CMIP: variants seen among roughly 807,000 people sequenced by gnomAD.
CMIP encodes the protein C-Maf-inducing protein.
CMIP carries 13 observed loss-of-function variants against 97.3 expected under a neutral mutation model. The observed-to-expected ratio is 0.13, with a 90% CI of 0.09 to 0.21. CMIP has a LOEUF of 0.21. CMIP is among the 10% of genes least tolerant of loss of function. The pLI is 1.00. For missense variants in CMIP, 847 were observed against 1,024.9 expected (o/e 0.83, Z 2.37); for synonymous variants, 538 against 436.3 (o/e 1.23, Z -2.91).
intron 4 of CMIP, among the ~76,000 whole-genome samples, chr16:81,657,427 G>C (rs189309542): frequency 1.3e-5 from 2 of 152,200 alleles, no homozygotes; most frequent in Non-Finnish European, 2.9e-5. Flanking sequence ...GTTTCACTTT[G>C]ACGAGGGCCA....
At chr16:81,665,263 T>G (rs1190288315) in intron 7 of CMIP, 1 of 152,178 alleles carries the variant, frequency 6.6e-6, no homozygotes, top group Admixed American at 6.5e-5. Context: ...GCAAATGCCA[T>G]TATTTGCCCT....
chr16:81,469,901 T>G (rs987375071), intron 1 of CMIP, among the ~76,000 whole-genome samples: 2 of 152,174 alleles, frequency 1.3e-5, no homozygotes, highest in Admixed American at 6.5e-5. Context: ...GAGGAGGGCC[T>G]TCTTTGGGGT....
At chr16:81,500,851 T>TTTCC (rs1270180122) in intron 1 of CMIP, among the ~76,000 whole-genome samples, 1 of 152,162 alleles carries the variant, frequency 6.6e-6, no homozygotes, top group African/African-American at 2.4e-5. Context: ...TCCTTCTTTC[T>TTTCC]TTCCTTCCTT....
chr16:81,478,678 G>C (rs947833725), intron 1 of CMIP, among the ~76,000 whole-genome samples: 8 of 152,206 alleles, frequency 5.3e-5, no homozygotes, highest in Non-Finnish European at 1.2e-4. Context: ...CCGGTGGGAA[G>C]AAGTTGGCAC....
In CMIP at chr16:81,444,839, C is replaced by A. The variant is rs1175466255; in HGVS notation, c.-403C>A. On this transcript the variant is annotated 5_prime_UTR_variant, in exon 1 of 21. Coordinates refer to ENST00000537098, the MANE Select transcript of CMIP (RefSeq NM_198390.3). Reference sequence around the variant, plus strand: ...GCCCGGACGGCCGCGCGGACACACGCTCTGTACACACGCGCGCGGCGGCGC... The same window carrying A: ...GCCCGGACGGCCGCGCGGACACACGATCTGTACACACGCGCGCGGCGGCGC... Among the ~76,000 whole-genome samples, 1 of 144,848 alleles carries A rather than the reference C, an allele frequency of 6.9e-6. No individual in the cohort carries two copies. The highest frequency in any genetic ancestry group is 2.5e-5 in the African/African-American group (1 of 40,472).
chr16:81,600,339 C>T lies in CMIP; in HGVS notation c.301-7228C>T, dbSNP rs188077073. ...CTTCACTATAGTCAAAAGATAGAGA[C>T]AATCCATGTGTCCATCAGCAGATGA... On this transcript the variant is annotated intron_variant, in intron 1 of 20. Transcript: ENST00000537098. 1.4e-3 allele frequency among the ~76,000 whole-genome samples: 204 copies of T among 144,080 alleles called. 1 individual carries two copies. The highest frequency in any genetic ancestry group is 3.7e-3 in the South Asian group (16 of 4,324). The allele number at this position is 144,080 out of a possible 152,430, so 94.5% of individuals were successfully genotyped here.
chr16:81,679,850 C>T (rs1226339317), intron 10 of CMIP, among the ~76,000 whole-genome samples: 1 of 152,166 alleles, frequency 6.6e-6, no homozygotes, highest in Non-Finnish European at 1.5e-5. Context: ...CTGGGAGCCC[C>T]AGTTTGAGGG....
chr16:81,515,140 CCGTCTTCTCCCAGTTA>C (rs2089887974), intron 1 of CMIP, among the ~76,000 whole-genome samples: 1 of 152,222 alleles, frequency 6.6e-6, no homozygotes, highest in Admixed American at 6.5e-5. Context: ...CTGTGCCAGA[CCGTCTTCTCCCAGTTA>C]AACTAGAAGC....
At chr16:81,697,338 C>T (rs1378601645) in intron 14 of CMIP, 1 of 152,540 alleles carries the variant, frequency 6.6e-6, no homozygotes, top group Non-Finnish European at 1.5e-5. Flanking sequence ...CCAAGCCCTT[C>T]CTTGGCCAGG....
At chr16:81,520,158 G>A (rs1203483751) in intron 1 of CMIP, 2 of 152,254 alleles carry the variant, frequency 1.3e-5, no homozygotes, top group Non-Finnish European at 2.9e-5. Flanking sequence ...GTCAAGAAGC[G>A]GTATAGCAAA....
chr16:81,565,722 C>T (rs946155828), intron 1 of CMIP, among the ~76,000 whole-genome samples: 1 of 152,158 alleles, frequency 6.6e-6, no homozygotes, highest in African/African-American at 2.4e-5. Flanking sequence ...CAGCGGCTGT[C>T]TGCCACCTGC....
chr16:81,501,815 T>C (rs868279580), intron 1 of CMIP, among the ~76,000 whole-genome samples: 17 of 152,158 alleles, frequency 1.1e-4, no homozygotes, highest in African/African-American at 4.1e-4. Flanking sequence ...TTTCACCCTG[T>C]TGGCCAAGCT....
intron 1 of CMIP, among the ~76,000 whole-genome samples, chr16:81,573,046 C>CA (rs1373021519): frequency 6.6e-6 from 1 of 152,174 alleles, no homozygotes; most frequent in African/African-American, 2.4e-5. Flanking sequence ...AGTGACATTA[C>CA]AAAAATGCAC....
chr16:81,491,067 GC>G lies in CMIP; in HGVS notation c.300+45527del, dbSNP rs527856332. The stretch of plus-strand genomic sequence containing the variant: ...CCTTGGCTCTCGTTGGGCTGCGCGG[GC>G]TGAGCTGAGAGACTGGGGTAGGGGT... On this transcript the variant is annotated intron_variant, in intron 1 of 20. Coordinates refer to ENST00000537098, the MANE Select transcript of CMIP (RefSeq NM_198390.3). Among the ~76,000 whole-genome samples, 13 of 152,308 alleles carry G rather than the reference GC, an allele frequency of 8.5e-5. No homozygotes were observed. In the East Asian group the frequency reaches 2.3e-3, roughly 27 times the overall value.
chr16:81,529,424 C>A (rs1169445989), intron 1 of CMIP, among the ~76,000 whole-genome samples: 1 of 152,064 alleles, frequency 6.6e-6, no homozygotes, highest in Admixed American at 6.5e-5. Context: ...GATCTGTCAG[C>A]AGTTTGGTTG....
At chr16:81,531,999 C>G (rs146002712) in intron 1 of CMIP, among the ~76,000 whole-genome samples, 249 of 152,332 alleles carry the variant, frequency 1.6e-3, no homozygotes, top group African/African-American at 5.6e-3. Context: ...TTGATAGCTT[C>G]CATTTCATGG....
chr16:81,472,139 A>G (rs1213557177), intron 1 of CMIP, among the ~76,000 whole-genome samples: 2 of 152,242 alleles, frequency 1.3e-5, no homozygotes, highest in Admixed American at 1.3e-4. Flanking sequence ...GCACACAGGT[A>G]CATCCTCACC....
At chr16:81,523,262 A>G (rs2090063830) in intron 1 of CMIP, among the ~76,000 whole-genome samples, 1 of 151,782 alleles carries the variant, frequency 6.6e-6, no homozygotes, top group East Asian at 1.9e-4. Context: ...GCCTTTTTCC[A>G]CCCTATCCGA....
At chr16:81,579,285 T>C (rs1453496564) in intron 1 of CMIP, among the ~76,000 whole-genome samples, 1 of 152,158 alleles carries the variant, frequency 6.6e-6, no homozygotes, top group Non-Finnish European at 1.5e-5. Context: ...GGGGCCTCCA[T>C]GGGGCAGCTC....
Sources: gnomAD v4.1 joint callset for allele counts (sites outside exome capture counted in the v4.1 genomes callset) on GRCh38, gnomAD v4.1.1 for gene constraint, MANE v1.5 for transcripts, NCBI Gene and HGNC (gene_info 2026-07-23, HGNC 2026-07-21) for gene names.